CAST: variants seen among roughly 807,000 people sequenced by gnomAD.
The protein encoded by CAST is MIR583 host.
In CAST, 76 loss-of-function variants were observed where a neutral mutation model predicts 119.6. The ratio of observed to expected loss-of-function variants is 0.64; its 90% CI spans 0.53 to 0.77. CAST has a LOEUF of 0.77. Among genes scored for constraint, CAST ranks in the 30% least tolerant of loss-of-function variants. The pLI is 0.00. For missense variants in CAST, 953 were observed against 946.5 expected, an observed-to-expected ratio of 1.01 and a Z score of -0.09; for synonymous variants, 319 against 331.6, an observed-to-expected ratio of 0.96 and a Z score of 0.41.
At chr5:96,302,207 A>AGCTGGAGCTGGGTCCTTTTAGCT in the CAST span, among the ~76,000 whole-genome samples, 1 of 152,134 alleles carries the variant, frequency 6.6e-6, no homozygotes, top group East Asian at 1.9e-4. Context: ...CTTTTAGCAC[A>AGCTGGAGCTGGGTCCTTTTAGCT]GCTGGAGCTG....
chr5:96,122,803 G>A, the CAST span, among the ~76,000 whole-genome samples: 1 of 151,794 alleles, frequency 6.6e-6, no homozygotes, highest in Admixed American at 6.6e-5. Context: ...TGGATATTCA[G>A]ATGGCAGCAT....
At chr5:96,104,323 G>C in the CAST span, among the ~76,000 whole-genome samples, 2 of 152,172 alleles carry the variant, frequency 1.3e-5, no homozygotes, top group Admixed American at 1.3e-4. Context: ...CCTATGTCCT[G>C]AATGGTAATG....
the CAST span, among the ~76,000 whole-genome samples, chr5:95,974,099 C>A: frequency 6.6e-6 from 1 of 152,218 alleles, no homozygotes; most frequent in Admixed American, 6.5e-5. Context: ...CCTCAAGGGG[C>A]TTTCCAGGGA....
chr5:96,076,911 TA>T, the CAST span, among the ~76,000 whole-genome samples: 1 of 151,548 alleles, frequency 6.6e-6, no homozygotes, highest in Admixed American at 6.6e-5. Flanking sequence ...CAATATGATA[TA>T]TATTTTTGCA....
rs147749156 is a variant in CAST, at chr5:96,666,354, T to C, written c.75+3857T>C. 3.9e-5 allele frequency among the ~76,000 whole-genome samples: 6 copies of C among 152,308 alleles called. No homozygotes were observed. The East Asian group carries it at 1.2e-3, about 29-fold the overall frequency. ...TGATCAAGCATGAACGAAGGTTAATTTGGCCCACACCAGTCATCACATTCC... is the reference window on the plus strand; with the variant it reads ...TGATCAAGCATGAACGAAGGTTAATCTGGCCCACACCAGTCATCACATTCC... On this transcript the variant is annotated intron_variant, in intron 1 of 31. Coordinates refer to ENST00000675179, the MANE Select transcript of CAST (RefSeq NM_001750.7).
chr5:96,692,437 C>T (rs1293895778), intron 2 of CAST, among the ~76,000 whole-genome samples: 1 of 152,168 alleles, frequency 6.6e-6, no homozygotes, highest in African/African-American at 2.4e-5. Context: ...TAGGGCTATT[C>T]TGATCCCACA....
chr5:96,736,389 T>C, intron 10 of CAST, 149 bp downstream of exon 10: 1 of 543,378 alleles, frequency 1.8e-6, no homozygotes, highest in Non-Finnish European at 3.2e-6. Context: ...ATATTGAAAG[T>C]GTGGGTTGGA....
the CAST span, among the ~76,000 whole-genome samples, chr5:96,154,867 T>C: frequency 2.0e-5 from 3 of 152,224 alleles, no homozygotes; most frequent in East Asian, 5.8e-4. Context: ...GAGTTATCAC[T>C]GTTAATGATG....
At chr5:96,112,160 T>G in the CAST span, among the ~76,000 whole-genome samples, 2 of 151,956 alleles carry the variant, frequency 1.3e-5, no homozygotes, top group South Asian at 4.1e-4. Context: ...ATTATTAATA[T>G]TCAATCAATA....
chr5:96,244,120 C>G, the CAST span, among the ~76,000 whole-genome samples: 1 of 152,182 alleles, frequency 6.6e-6, no homozygotes, highest in Non-Finnish European at 1.5e-5. Flanking sequence ...ACCTTGATCC[C>G]CAGGGCAGTG....
chr5:96,034,462 TACAC>T, the CAST span, among the ~76,000 whole-genome samples: 1,385 of 101,806 alleles, frequency 0.014, 40 homozygotes, highest in Admixed American at 0.072. Flanking sequence ...GTATATATCA[TACAC>T]ACACACACAC....
chr5:96,116,683 T>C, the CAST span, among the ~76,000 whole-genome samples: 1 of 152,236 alleles, frequency 6.6e-6, no homozygotes, highest in Non-Finnish European at 1.5e-5. Context: ...TGAGCATCTT[T>C]CTTAGGCTTA....
the CAST span, among the ~76,000 whole-genome samples, chr5:96,317,782 G>T: frequency 1.3e-5 from 2 of 152,106 alleles, no homozygotes; most frequent in Non-Finnish European, 2.9e-5. Flanking sequence ...ACTGAGGTGG[G>T]CCCCTTGGAG....
chr5:96,125,671 C>T, the CAST span, among the ~76,000 whole-genome samples: 1 of 152,154 alleles, frequency 6.6e-6, no homozygotes, highest in Non-Finnish European at 1.5e-5. Context: ...GTACACTCAG[C>T]TTAAAGTGCT....
rs556325387 is a variant in CAST, at chr5:96,684,190, A to G, written c.138+8589A>G. On this transcript the variant is annotated intron_variant, in intron 2 of 31. Coordinates refer to ENST00000675179, the MANE Select transcript of CAST (RefSeq NM_001750.7). ...TAAAATGAGGATACTAATAGTTCTTACATAAGAGTCAATGTGAAGAACAAT... is the reference window on the plus strand; with the variant it reads ...TAAAATGAGGATACTAATAGTTCTTGCATAAGAGTCAATGTGAAGAACAAT... Among the ~76,000 whole-genome samples the G allele has an allele frequency of 3.3e-5, 5 of 152,336 alleles. No homozygotes were observed. In the South Asian group the frequency reaches 1.0e-3, roughly 32 times the overall value.
chr5:96,204,931 T>A, the CAST span, among the ~76,000 whole-genome samples: 3 of 152,234 alleles, frequency 2.0e-5, no homozygotes, highest in South Asian at 6.2e-4. Flanking sequence ...ATCATGAGTA[T>A]GAATTCCAAA....
the CAST span, among the ~76,000 whole-genome samples, chr5:96,042,124 CTAAA>C: frequency 3.8e-4 from 58 of 152,072 alleles, 2 homozygotes; most frequent in Admixed American, 3.7e-3. Flanking sequence ...CCAGGGCCCA[CTAAA>C]TAGAGTCTGA....
At chr5:96,562,621 G>T in intron 1 of CAST, among the ~76,000 whole-genome samples, 1 of 152,156 alleles carries the variant, frequency 6.6e-6, no homozygotes, top group East Asian at 1.9e-4. Context: ...CTCAGCACTT[G>T]CACATCTATG....
At chr5:96,139,034 T>G in the CAST span, among the ~76,000 whole-genome samples, 2 of 152,038 alleles carry the variant, frequency 1.3e-5, no homozygotes, top group African/African-American at 2.4e-5. Context: ...GATTTTCACC[T>G]ATATGTATGA....
Sources: allele counts gnomAD v4.1 joint callset (sites outside exome capture counted in the v4.1 genomes callset), GRCh38; gene constraint gnomAD v4.1.1; transcripts MANE v1.5; gene names NCBI Gene and HGNC (gene_info 2026-07-23, HGNC 2026-07-21).